The following KIAA1217 variants were observed in gnomAD, a reference collection of about 807,000 sequenced individuals.
KIAA1217 encodes KIAA1217, also known as sickle tail protein homolog.
KIAA1217 carries 88 observed loss-of-function variants against 163.9 expected under a neutral mutation model. That is an observed-to-expected ratio of 0.54 (90% CI 0.45 to 0.64). KIAA1217 has a LOEUF of 0.64. KIAA1217 is among the 30% of genes least tolerant of loss of function. The probability of loss-of-function intolerance (pLI) is 0.00; values close to 1 mark genes in which losing one functional copy is unlikely to be tolerated. For synonymous variants in KIAA1217, 903 were observed against 923.1 expected (o/e 0.98, Z 0.39); for missense variants, 2,372 against 2,475.0 (o/e 0.96, Z 0.88).
At chr10:24,418,982 T>A (rs944600684) in intron 3 of KIAA1217, among the ~76,000 whole-genome samples, 4 of 151,854 alleles carry the variant, frequency 2.6e-5, no homozygotes, top group Non-Finnish European at 5.9e-5. Context: ...TTTGAGACCA[T>A]CCTGGCCAAC....
chr10:24,357,751 G>T (rs181422371), intron 2 of KIAA1217, among the ~76,000 whole-genome samples: 2 of 152,334 alleles, frequency 1.3e-5, no homozygotes, highest in Admixed American at 1.3e-4. Flanking sequence ...CTTATAGGAT[G>T]AGTATTTTCC....
At chr10:23,732,144 A>G (rs78581780) in intron 1 of KIAA1217, among the ~76,000 whole-genome samples, 6,782 of 152,128 alleles carry the variant, frequency 0.045, 490 homozygotes, top group African/African-American at 0.15. Flanking sequence ...ATTTTCTGAA[A>G]GAGATTGTAA....
At chr10:23,935,991 A>C (rs1328612231) in intron 1 of KIAA1217, among the ~76,000 whole-genome samples, 1 of 152,200 alleles carries the variant, frequency 6.6e-6, no homozygotes, top group Non-Finnish European at 1.5e-5. Context: ...AGGACCTAAT[A>C]GGAGCCATGA....
At chr10:23,882,067 T>C (rs1166646524) in intron 1 of KIAA1217, among the ~76,000 whole-genome samples, 1 of 146,376 alleles carries the variant, frequency 6.8e-6, no homozygotes. Context: ...TATACAGTTA[T>C]ACTTTTGATA....
chr10:23,884,835 T>A (rs1841102493), intron 1 of KIAA1217, among the ~76,000 whole-genome samples: 1 of 151,918 alleles, frequency 6.6e-6, no homozygotes, highest in South Asian at 2.1e-4. Context: ...TTCCTGTTCT[T>A]GGGAACAGTA....
At chr10:24,065,161 T>C (rs2060888800) in intron 2 of KIAA1217, among the ~76,000 whole-genome samples, 1 of 152,214 alleles carries the variant, frequency 6.6e-6, no homozygotes, top group South Asian at 2.1e-4. Context: ...GCTCTGATCT[T>C]AGTTATTTCT....
chr10:24,197,477 G>A (rs2067043908), intron 2 of KIAA1217, among the ~76,000 whole-genome samples: 1 of 152,228 alleles, frequency 6.6e-6, no homozygotes, highest in African/African-American at 2.4e-5. Flanking sequence ...AAATAGTTGG[G>A]TTGGGCCTAT....
chr10:23,766,818 G>A (rs139743394), intron 1 of KIAA1217, among the ~76,000 whole-genome samples: 18 of 152,044 alleles, frequency 1.2e-4, no homozygotes, highest in East Asian at 5.8e-4. Context: ...TCTCGAACTC[G>A]TGCCCTCAAA....
chr10:24,022,827 T>C (rs560281166), intron 2 of KIAA1217, among the ~76,000 whole-genome samples: 1 of 150,996 alleles, frequency 6.6e-6, no homozygotes, highest in Non-Finnish European at 1.5e-5. Context: ...ATTATGACTA[T>C]CCCAAAAGAT....
chr10:24,147,668 T>G (rs12245786), intron 2 of KIAA1217, among the ~76,000 whole-genome samples: 2 of 150,892 alleles, frequency 1.3e-5, no homozygotes, highest in Non-Finnish European at 3.0e-5. Flanking sequence ...CATGACGAAA[T>G]CCAGTCTCCA....
At chr10:24,095,831 C>T (rs964792619) in intron 2 of KIAA1217, among the ~76,000 whole-genome samples, 14 of 152,116 alleles carry the variant, frequency 9.2e-5, no homozygotes, top group Non-Finnish European at 1.6e-4. Flanking sequence ...TTGCACCTGG[C>T]GTGGTGGTTC....
intron 2 of KIAA1217, among the ~76,000 whole-genome samples, chr10:24,174,427 G>GAC (rs910584719): frequency 2.0e-5 from 3 of 152,188 alleles, no homozygotes; most frequent in African/African-American, 7.2e-5. Flanking sequence ...CATGCTTGTG[G>GAC]ACACACACAC....
At position 24,262,163 on chromosome 10, in the gene KIAA1217, G is replaced by A. The variant is rs562155279; in HGVS notation, c.354+42254G>A. The stretch of plus-strand genomic sequence containing the variant: ...TATTTGAGGTCTGGAAGGCTACGAC[G>A]GGTTGCATTCAGATGTCATCCACAT... On this transcript the variant is annotated intron_variant, in intron 2 of 20. Coordinates refer to ENST00000376454, the MANE Select transcript of KIAA1217 (RefSeq NM_019590.5). Among the ~76,000 whole-genome samples, 145 of 152,242 alleles carry A rather than the reference G, an allele frequency of 9.5e-4. 1 individual carries two copies. The highest frequency in any genetic ancestry group is 8.2e-4 in the Non-Finnish European group (56 of 68,026).
intron 1 of KIAA1217, among the ~76,000 whole-genome samples, chr10:24,002,037 G>C (rs1312570013): frequency 2.6e-5 from 4 of 152,148 alleles, no homozygotes; most frequent in African/African-American, 7.2e-5. Flanking sequence ...GATCCCTATG[G>C]GGTCTGTGAT....
At chr10:24,297,311 G>A (rs1439062707) in intron 2 of KIAA1217, among the ~76,000 whole-genome samples, 2 of 152,156 alleles carry the variant, frequency 1.3e-5, no homozygotes, top group Admixed American at 6.5e-5. Context: ...ATGCTTAGTG[G>A]TCTGTTTCTC....
rs1262543768 is a variant in KIAA1217 at position 24,436,170 on chromosome 10, A to G, written c.753-2216A>G. On this transcript the variant is annotated intron_variant, in intron 4 of 20. Coordinates refer to ENST00000376454, the MANE Select transcript of KIAA1217 (RefSeq NM_019590.5). ...CCCACTGCTCCCAGCTTGATAGCCT[A>G]AAGTTATTTTTAAAAAACTCTCATT... Among the ~76,000 whole-genome samples the G allele has an allele frequency of 2.6e-5, 4 of 152,174 alleles. No homozygotes were observed. In the South Asian group the frequency reaches 6.2e-4, roughly 24 times the overall value.
At chr10:24,380,176 C>T (rs1034335577) in intron 2 of KIAA1217, among the ~76,000 whole-genome samples, 2 of 152,150 alleles carry the variant, frequency 1.3e-5, no homozygotes, top group Non-Finnish European at 2.9e-5. Flanking sequence ...AGTAGCTCAT[C>T]CATCTAGGGT....
intron 1 of KIAA1217, among the ~76,000 whole-genome samples, chr10:23,874,457 C>T (rs1348633493): frequency 6.6e-6 from 1 of 152,018 alleles, no homozygotes; most frequent in Non-Finnish European, 1.5e-5. Flanking sequence ...CCCTAGGCAT[C>T]AGTTTCTCAC....
chr10:24,139,486 C>A (rs2063965717), intron 2 of KIAA1217, among the ~76,000 whole-genome samples: 1 of 151,962 alleles, frequency 6.6e-6, no homozygotes, highest in African/African-American at 2.4e-5. Context: ...TCTATTATAT[C>A]TCAATATTTG....
Sources: allele counts gnomAD v4.1 joint callset (sites outside exome capture counted in the v4.1 genomes callset), GRCh38; gene constraint gnomAD v4.1.1; transcripts MANE v1.5; gene names NCBI Gene and HGNC (gene_info 2026-07-23, HGNC 2026-07-21).